The following PRKAA2 variants were observed in gnomAD, a reference collection of about 807,000 sequenced individuals.
The protein encoded by PRKAA2 is 5'-AMP-activated protein kinase catalytic subunit alpha-2.
Under a neutral mutation model 56.3 loss-of-function variants are expected in PRKAA2, and 40 were observed. The observed-to-expected ratio is 0.71, with a 90% confidence interval of 0.55 to 0.92. PRKAA2 has a LOEUF of 0.92. Ranked by LOEUF, PRKAA2 falls within the 40% of genes least tolerant of loss-of-function variation. The probability of loss-of-function intolerance (pLI) is 0.00; values close to 1 mark genes in which losing one functional copy is unlikely to be tolerated. For missense variants in PRKAA2, 542 were observed against 686.9 expected, an observed-to-expected ratio of 0.79 and a Z score of 2.36; for synonymous variants, 214 against 234.2, an observed-to-expected ratio of 0.91 and a Z score of 0.79.
At chr1:56,649,404 A>G (rs1011592107) in intron 1 of PRKAA2, among the ~76,000 whole-genome samples, 1 of 152,192 alleles carries the variant, frequency 6.6e-6, no homozygotes, top group African/African-American at 2.4e-5. Context: ...AAGCTTGGCC[A>G]GGTGTGGTGG....
chr1:56,687,879 G>T (rs530381237), intron 2 of PRKAA2, among the ~76,000 whole-genome samples: 1 of 152,004 alleles, frequency 6.6e-6, no homozygotes, highest in South Asian at 2.1e-4. Context: ...CTAAAAATGC[G>T]TATAACTTGG....
intron 5 of PRKAA2, among the ~76,000 whole-genome samples, chr1:56,695,158 C>G (rs997047879): frequency 7.2e-6 from 1 of 138,598 alleles, no homozygotes; most frequent in African/African-American, 3.0e-5. Context: ...TTTTAAATAT[C>G]TCTCTCTCTA....
intron 3 of PRKAA2, among the ~76,000 whole-genome samples, chr1:56,691,981 T>G (rs1347833050): frequency 6.6e-6 from 1 of 152,174 alleles, no homozygotes; most frequent in East Asian, 1.9e-4. Flanking sequence ...CTTAATTATA[T>G]TTAGCCTAAT....
Position 56,672,532 on chromosome 1 carries a change from G to C in PRKAA2, c.95-1849G>C, listed in dbSNP as rs141696445. Among the ~76,000 whole-genome samples the C allele has an allele frequency of 2.9e-3, 448 of 152,272 alleles. 1 individual carries two copies. Among genetic ancestry groups the C allele is most frequent in the African/African-American group, 0.01 (421 of 41,550 alleles). On this transcript the variant is annotated intron_variant, in intron 1 of 8. Coordinates refer to ENST00000371244, the MANE Select transcript of PRKAA2 (RefSeq NM_006252.4). ...GCATATGGGTGATAATTAAAACTATGGGAGATGAATGACATAACATAAGGG... is the reference window on the plus strand; with the variant it reads ...GCATATGGGTGATAATTAAAACTATCGGAGATGAATGACATAACATAAGGG...
intron 2 of PRKAA2, among the ~76,000 whole-genome samples, chr1:56,687,255 G>A (rs762987982): frequency 6.6e-6 from 1 of 152,006 alleles, no homozygotes; most frequent in Non-Finnish European, 1.5e-5. Context: ...AATAACTACA[G>A]CAAACACAAC....
rs749245927 is a variant in PRKAA2, at chr1:56,693,861, C to G, written c.563+9C>G. ...GAAGTCATCTCAGGCAGGTAATAAT[C>G]AGTGAAGCATAAGCTTTTTGTAATC... On this transcript the variant is annotated intron_variant, in intron 5 of 8. Transcript: ENST00000371244. 1.3e-6 allele frequency: 2 copies of G among 1,551,522 alleles called. No individual in the cohort carries two copies. Among genetic ancestry groups the G allele is most frequent in the African/African-American group, 1.4e-5 (1 of 73,516 alleles).
At chr1:56,674,268 G>T (rs1465598823) in intron 1 of PRKAA2, 113 bp from the exon 2 acceptor site, 2 of 827,726 alleles carry the variant, frequency 2.4e-6, no homozygotes, top group East Asian at 5.8e-5. Context: ...TACAACAAGG[G>T]ATATAAAGAT....
intron 5 of PRKAA2, among the ~76,000 whole-genome samples, chr1:56,694,517 A>G (rs1644246778): frequency 6.6e-6 from 1 of 152,202 alleles, no homozygotes; most frequent in South Asian, 2.1e-4. Flanking sequence ...AATAAAGGTG[A>G]TAGCTTATAA....
At chr1:56,694,394 G>A (rs1370039833) in intron 5 of PRKAA2, among the ~76,000 whole-genome samples, 5 of 152,160 alleles carry the variant, frequency 3.3e-5, no homozygotes, top group East Asian at 3.9e-4. Context: ...AGTGATCAAC[G>A]TGTGATTTTA....
chr1:56,699,774 A>G (rs1335404694), intron 6 of PRKAA2, among the ~76,000 whole-genome samples: 1 of 152,068 alleles, frequency 6.6e-6, no homozygotes, highest in East Asian at 1.9e-4. Flanking sequence ...CCTTCCTCCT[A>G]TCCCCTGGCA....
intron 2 of PRKAA2, among the ~76,000 whole-genome samples, chr1:56,689,905 C>T (rs12563356): frequency 8.7e-6 from 1 of 115,344 alleles, no homozygotes; most frequent in East Asian, 3.3e-4. Flanking sequence ...CAGACACACA[C>T]ACACACACAC....
intron 1 of PRKAA2, 81 bp downstream of exon 1, chr1:56,645,562 C>T: frequency 7.7e-7 from 1 of 1,302,354 alleles, no homozygotes; most frequent in East Asian, 4.0e-5. Context: ...CCCCGGGCCT[C>T]CGGCGGGCGC....
chr1:56,679,200 C>A (rs1644136083), intron 2 of PRKAA2, among the ~76,000 whole-genome samples: 1 of 152,150 alleles, frequency 6.6e-6, no homozygotes, highest in Non-Finnish European at 1.5e-5. Context: ...GTCAAGTACA[C>A]TGAGCTAGTG....
At chr1:56,669,780 A>G (rs1644062178) in intron 1 of PRKAA2, among the ~76,000 whole-genome samples, 1 of 152,230 alleles carries the variant, frequency 6.6e-6, no homozygotes, top group African/African-American at 2.4e-5. Context: ...TTAAAAAATG[A>G]AATTTTCAGC....
intron 2 of PRKAA2, among the ~76,000 whole-genome samples, chr1:56,683,526 A>G (rs1311553355): frequency 6.6e-6 from 1 of 152,168 alleles, no homozygotes; most frequent in Non-Finnish European, 1.5e-5. Flanking sequence ...CATTCAACAG[A>G]TGACACCATT....
intron 1 of PRKAA2, among the ~76,000 whole-genome samples, chr1:56,661,604 G>C (rs529927353): frequency 6.6e-6 from 1 of 151,938 alleles, no homozygotes; most frequent in East Asian, 1.9e-4. Context: ...TTACATCTTG[G>C]TTGTTATGAT....
chr1:56,655,280 A>ATATATATTTTTTTTT, intron 1 of PRKAA2, among the ~76,000 whole-genome samples: 19 of 93,654 alleles, frequency 2.0e-4, no homozygotes, highest in South Asian at 5.3e-4. Flanking sequence ...ATATATATAT[A>ATATATATTTTTTTTT]TTTTTTTTTT....
At chr1:56,661,042 A>G (rs555931413) in intron 1 of PRKAA2, among the ~76,000 whole-genome samples, 229 of 152,082 alleles carry the variant, frequency 1.5e-3, no homozygotes, top group Non-Finnish European at 2.1e-3. Context: ...GGGTCGGAAC[A>G]TATGTGCATT....
At chr1:56,682,663 T>C (rs1297077621) in intron 2 of PRKAA2, among the ~76,000 whole-genome samples, 1 of 152,110 alleles carries the variant, frequency 6.6e-6, no homozygotes, top group Non-Finnish European at 1.5e-5. Context: ...ATGATATGAA[T>C]ATAGTGTAGA....
Sources: gnomAD v4.1 joint callset for allele counts (sites outside exome capture counted in the v4.1 genomes callset) on GRCh38, gnomAD v4.1.1 for gene constraint, MANE v1.5 for transcripts, NCBI Gene and HGNC (gene_info 2026-07-23, HGNC 2026-07-21) for gene names.